The following PDE4D variants were observed in gnomAD, a reference collection of about 807,000 sequenced individuals.
PDE4D encodes 3',5'-cyclic-AMP phosphodiesterase 4D.
A neutral mutation model predicts 87.4 loss-of-function variants in PDE4D; 24 were observed. The observed-to-expected ratio is 0.27, with a 90% CI of 0.20 to 0.39. The LOEUF is 0.39. Among genes scored for constraint, PDE4D ranks in the 10% least tolerant of loss-of-function variants. The pLI, the probability that PDE4D is intolerant of heterozygous loss-of-function variation, is 1.00. For synonymous variants in PDE4D, 384 were observed against 383.2 expected (o/e 1.00, Z -0.02); for missense variants, 714 against 1,041.0 (o/e 0.69, Z 4.32).
chr5:59,758,129 G>A (rs1040543982), intron 1 of PDE4D, among the ~76,000 whole-genome samples: 3 of 152,200 alleles, frequency 2.0e-5, no homozygotes, highest in African/African-American at 7.2e-5. Context: ...ACACGATGGA[G>A]AGTTAGGAAG....
chr5:59,557,873 T>C (rs1337111657), intron 1 of PDE4D, among the ~76,000 whole-genome samples: 2 of 152,114 alleles, frequency 1.3e-5, no homozygotes, highest in Non-Finnish European at 2.9e-5. Context: ...AATGAGAACC[T>C]ATGGAAGGAA....
chr5:59,734,435 A>G (rs1294091283), intron 1 of PDE4D, among the ~76,000 whole-genome samples: 1 of 152,176 alleles, frequency 6.6e-6, no homozygotes, highest in Non-Finnish European at 1.5e-5. Flanking sequence ...CCTTCAAGTA[A>G]GAGACATTAC....
chr5:60,032,097 G>A (rs187564932), intron 2 of PDE4D, among the ~76,000 whole-genome samples: 302 of 152,018 alleles, frequency 2.0e-3, no homozygotes, highest in African/African-American at 6.9e-3. Context: ...GTAATTCAGG[G>A]AAATACAATA....
chr5:59,700,101 T>C (rs1008995489), intron 1 of PDE4D, among the ~76,000 whole-genome samples: 8 of 152,192 alleles, frequency 5.3e-5, no homozygotes, highest in Non-Finnish European at 1.2e-4. Flanking sequence ...TAACCATTAC[T>C]GAACTCTATC....
chr5:59,215,726 T>C, intron 2 of PDE4D, 51 bp downstream of exon 2: 2 of 1,464,730 alleles, frequency 1.4e-6, no homozygotes, highest in South Asian at 2.3e-5. Context: ...TCATCAGCTC[T>C]AGATATAAAT....
chr5:59,988,537 G>A, exon 3 of PDE4D: 1 of 1,599,292 alleles, frequency 6.3e-7, no homozygotes, highest in South Asian at 1.1e-5. Context: ...ATCTTCAGGG[G>A]GAGGCTGGTT....
At chr5:60,309,462 T>C (rs929701801) in intron 1 of PDE4D, among the ~76,000 whole-genome samples, 1 of 152,166 alleles carries the variant, frequency 6.6e-6, no homozygotes, top group African/African-American at 2.4e-5. Flanking sequence ...AGAAAAATTA[T>C]ATATATTTGA....
chr5:60,337,129 G>A (rs559009155), intron 1 of PDE4D, among the ~76,000 whole-genome samples: 5 of 148,232 alleles, frequency 3.4e-5, no homozygotes, highest in Admixed American at 2.7e-4. Flanking sequence ...AGACCAGCCT[G>A]GCCGACATGG....
chr5:60,383,650 A>G (rs968619726), intron 1 of PDE4D, among the ~76,000 whole-genome samples: 17 of 152,226 alleles, frequency 1.1e-4, no homozygotes, highest in Admixed American at 1.3e-4. Context: ...AAAATTTGAG[A>G]GCAGAACCCT....
In PDE4D at chr5:59,050,233, C is replaced by A. The variant is rs930928001; in HGVS notation, c.809-11262G>T. Among the ~76,000 whole-genome samples, 30 of 152,160 alleles carry A rather than the reference C, an allele frequency of 2.0e-4. 1 individual carries two copies. The highest frequency in any genetic ancestry group is 7.3e-5 in the Non-Finnish European group (5 of 68,030). On this transcript the variant is annotated intron_variant, in intron 5 of 14. Transcript: ENST00000340635. Reference sequence around the variant, plus strand: ...AGTGAGCCGAGATTGTGCCACTGCACTCCAGCCTGGGCAATAAGAGCGAAA... The same window carrying A: ...AGTGAGCCGAGATTGTGCCACTGCAATCCAGCCTGGGCAATAAGAGCGAAA...
chr5:59,225,758 A>AATATCTACAATAC (rs59544865), intron 1 of PDE4D, among the ~76,000 whole-genome samples: 17,572 of 151,292 alleles, frequency 0.12, 1,575 homozygotes, highest in African/African-American at 0.24. Flanking sequence ...ATATGGTATT[A>AATATCTACAATAC]ATATCTACAA....
At chr5:60,042,210 G>A (rs1469878316) in intron 2 of PDE4D, among the ~76,000 whole-genome samples, 3 of 152,152 alleles carry the variant, frequency 2.0e-5, no homozygotes, top group Admixed American at 1.3e-4. Flanking sequence ...ACTGGGCTCA[G>A]CTCCACAAAG....
intron 1 of PDE4D, among the ~76,000 whole-genome samples, chr5:60,210,029 C>A (rs1451294845): frequency 6.6e-6 from 1 of 152,106 alleles, no homozygotes; most frequent in African/African-American, 2.4e-5. Context: ...TTATTTCCCT[C>A]AATGTGAATT....
At chr5:59,632,734 C>A (rs184781174) in intron 1 of PDE4D, among the ~76,000 whole-genome samples, 39 of 152,214 alleles carry the variant, frequency 2.6e-4, no homozygotes, top group Admixed American at 1.2e-3. Context: ...CTAAAGGTCA[C>A]CAACAGCAAA....
At chr5:59,519,675 A>G (rs1224753470) in intron 1 of PDE4D, among the ~76,000 whole-genome samples, 1 of 152,236 alleles carries the variant, frequency 6.6e-6, no homozygotes, top group Non-Finnish European at 1.5e-5. Context: ...TCTAGATGGC[A>G]TGCCATTGGA....
chr5:60,062,108 A>T (rs1239612288), intron 2 of PDE4D, among the ~76,000 whole-genome samples: 1 of 152,202 alleles, frequency 6.6e-6, no homozygotes, highest in Non-Finnish European at 1.5e-5. Flanking sequence ...AGAAACTGTC[A>T]TCAGAGTGAA....
intron 1 of PDE4D, among the ~76,000 whole-genome samples, chr5:59,852,063 T>G (rs1480802172): frequency 1.3e-5 from 2 of 152,102 alleles, no homozygotes; most frequent in African/African-American, 4.8e-5. Context: ...CTGGCTTAGA[T>G]GATAAGATCT....
chr5:59,283,513 TA>T (rs1198086927), intron 1 of PDE4D, among the ~76,000 whole-genome samples: 1 of 152,322 alleles, frequency 6.6e-6, no homozygotes, highest in South Asian at 2.1e-4. Flanking sequence ...GTGTGTTAAA[TA>T]AAAACTTCTA....
At chr5:58,981,949 C>T (rs1282499031) in intron 11 of PDE4D, among the ~76,000 whole-genome samples, 1 of 152,140 alleles carries the variant, frequency 6.6e-6, no homozygotes, top group Non-Finnish European at 1.5e-5. Context: ...ATCAGTCACC[C>T]CAGTCAACAC....
Sources: gnomAD v4.1 joint callset for allele counts (sites outside exome capture counted in the v4.1 genomes callset) on GRCh38, gnomAD v4.1.1 for gene constraint, MANE v1.5 for transcripts, NCBI Gene and HGNC (gene_info 2026-07-23, HGNC 2026-07-21) for gene names.